The following ASZ1 variants were observed in gnomAD, a reference collection of about 807,000 sequenced individuals.
ASZ1 encodes the protein ankyrin repeat, SAM and basic leucine zipper domain containing 1, also known as ankyrin repeat, SAM and basic leucine zipper domain-containing protein 1.
A neutral mutation model predicts 61.8 loss-of-function variants in ASZ1; 67 were observed. The observed-to-expected ratio is 1.08, with a 90% CI of 0.89 to 1.33. The LOEUF is 1.33. Ranked by LOEUF, ASZ1 falls within the 40% of genes most tolerant of loss-of-function variation. The probability of loss-of-function intolerance (pLI) is 0.00; values close to 1 mark genes in which losing one functional copy is unlikely to be tolerated. For missense variants in ASZ1, 577 were observed against 554.5 expected (o/e 1.04, Z -0.41); for synonymous variants, 193 against 192.7 (o/e 1.00, Z -0.01).
chr7:117,381,813 T>A (rs1796259479), intron 8 of ASZ1, among the ~76,000 whole-genome samples: 1 of 152,110 alleles, frequency 6.6e-6, no homozygotes, highest in East Asian at 1.9e-4. Context: ...AGAAACAAAC[T>A]AAGGGCTCAG....
intron 4 of ASZ1, among the ~76,000 whole-genome samples, chr7:117,407,531 C>T (rs2116512934): frequency 6.6e-6 from 1 of 152,150 alleles, no homozygotes; most frequent in Admixed American, 6.5e-5. Flanking sequence ...ATGTTTTTTC[C>T]TATACATATG....
Position 117,422,307 on chromosome 7 carries a change from A to G in ASZ1, c.258T>C (p.Ala86=), listed in dbSNP as rs761699872. The change falls in exon 3 of 13, where the codon GCT becomes GCC. Residue 86 remains alanine, a synonymous_variant. Coordinates refer to ENST00000284629, the MANE Select transcript of ASZ1 (RefSeq NM_130768.3). ...CCAGCTCTGCATTGGCAACACTAGC[A>G]GCATACATAAGGGGAGTCCATCCAT... is the stretch of plus-strand genomic sequence containing the variant. ...FQYGWTPLMY[A]ASVANAELVR... is the part of the protein sequence containing the mutation. 24 of 1,613,700 alleles carry G rather than the reference A, an allele frequency of 1.5e-5. No individual in the cohort carries two copies. In the Admixed American group the frequency reaches 1.7e-4, roughly 11 times the overall value.
intron 4 of ASZ1, among the ~76,000 whole-genome samples, chr7:117,393,914 G>A (rs1796525792): frequency 6.6e-6 from 1 of 152,052 alleles, no homozygotes; most frequent in Non-Finnish European, 1.5e-5. Context: ...CAGTACTTAA[G>A]TCCTCTTCTC....
At chr7:117,423,431 TTTGAACTGCTTTGA>T (rs1797135286) in intron 2 of ASZ1, among the ~76,000 whole-genome samples, 1 of 152,100 alleles carries the variant, frequency 6.6e-6, no homozygotes, top group Admixed American at 6.5e-5. Context: ...AATCTTCCTC[TTTGAACTGCTTTGA>T]TTGAAAGCTT....
rs1388909914 is a variant in ASZ1 at position 117,375,141 on chromosome 7, A to G, written c.1055+4797T>C. 3.9e-5 allele frequency among the ~76,000 whole-genome samples: 6 copies of G among 152,078 alleles called. No individual in the cohort carries two copies. In the South Asian group the frequency reaches 1.0e-3, roughly 26 times the overall value. On this transcript the variant is annotated intron_variant, in intron 10 of 12. Transcript: ENST00000284629. ...TTATCTAGTTGGTGGAATGAAAACA[A>G]TTATTATAGGTTATTTCGGATTATA...
In ASZ1 at chr7:117,427,442, G is replaced by T. The variant is rs771305699; in HGVS notation, c.19C>A (p.Arg7=). 1.2e-6 allele frequency: 2 copies of T among 1,613,870 alleles called. No individual in the cohort carries two copies. The highest frequency in any genetic ancestry group is 8.5e-7 in the Non-Finnish European group (1 of 1,179,940). The change falls in exon 1 of 13, where the codon CGA becomes AGA. Residue 7 remains arginine (R), a synonymous_variant. Coordinates refer to ENST00000284629, the MANE Select transcript of ASZ1 (RefSeq NM_130768.3). Reference sequence around the variant, plus strand: ...CCTCCGCCAGCCACTGGCAGGCCTCGCAGCGCGCTCGCCGCCATGCCAGCC... The same window carrying T: ...CCTCCGCCAGCCACTGGCAGGCCTCTCAGCGCGCTCGCCGCCATGCCAGCC... The part of the protein sequence containing the change: MAASAL[R]GLPVAGGGES...
intron 4 of ASZ1, among the ~76,000 whole-genome samples, chr7:117,389,325 T>C (rs1319435995): frequency 2.0e-5 from 3 of 152,160 alleles, no homozygotes; most frequent in African/African-American, 7.2e-5. Context: ...CCTTGACCCC[T>C]CCTTGCCTCC....
At chr7:117,371,509 T>C (rs1796049914) in intron 10 of ASZ1, among the ~76,000 whole-genome samples, 1 of 152,172 alleles carries the variant, frequency 6.6e-6, no homozygotes, top group African/African-American at 2.4e-5. Context: ...GCAGTAAGTA[T>C]TCATAGAACC....
At chr7:117,406,119 T>C (rs1265294337) in intron 4 of ASZ1, among the ~76,000 whole-genome samples, 7 of 152,212 alleles carry the variant, frequency 4.6e-5, no homozygotes, top group Non-Finnish European at 2.9e-5. Context: ...CTGTCGGGCA[T>C]AGAAGCTTTC....
At chr7:117,373,067 G>C (rs1215859409) in intron 10 of ASZ1, among the ~76,000 whole-genome samples, 2 of 152,054 alleles carry the variant, frequency 1.3e-5, no homozygotes, top group African/African-American at 4.8e-5. Context: ...GGGTGGAGCT[G>C]TTTCCTTGAT....
In ASZ1 at chr7:117,379,144, TATATATATATATATATATATATATAC is replaced by T. The variant is rs1261893954; in HGVS notation, c.1055+768_1055+793del. On this transcript the variant is annotated intron_variant, in intron 10 of 12. Transcript: ENST00000284629. ...TAAATGTGATAAAATTATATATATA[TATATATATATATATATATATATATAC>T]ACACACACACACACACACACACACA... 3.2e-3 allele frequency among the ~76,000 whole-genome samples: 313 copies of T among 96,622 alleles called. 1 individual carries two copies. The highest frequency in any genetic ancestry group is 0.01 in the African/African-American group (206 of 20,096). The allele number at this position is 96,622 out of a possible 152,430, so 63.4% of individuals were successfully genotyped here. A position where few individuals can be genotyped will look rare whatever the true frequency, so the allele number is the denominator to read the frequency against.
intron 6 of ASZ1, among the ~76,000 whole-genome samples, chr7:117,383,610 A>G (rs1348064653): frequency 1.3e-5 from 2 of 152,002 alleles, no homozygotes; most frequent in Non-Finnish European, 2.9e-5. Flanking sequence ...AACACCTCAA[A>G]AAGATATGGT....
chr7:117,378,030 A>G (rs1439805449), intron 10 of ASZ1, among the ~76,000 whole-genome samples: 1 of 152,182 alleles, frequency 6.6e-6, no homozygotes, highest in Non-Finnish European at 1.5e-5. Flanking sequence ...TAACTTTACA[A>G]AAATGAACTC....
At chr7:117,411,816 T>C (rs574840667) in intron 4 of ASZ1, among the ~76,000 whole-genome samples, 62 of 151,868 alleles carry the variant, frequency 4.1e-4, no homozygotes, top group Middle Eastern at 3.4e-3. Context: ...AGCTAGTAAA[T>C]GACAAAGTTG....
chr7:117,393,406 T>C (rs1402457924), intron 4 of ASZ1, among the ~76,000 whole-genome samples: 2 of 152,148 alleles, frequency 1.3e-5, no homozygotes, highest in African/African-American at 2.4e-5. Flanking sequence ...TTGTTCTATG[T>C]ATTTAAAAGC....
chr7:117,393,276 C>T (rs1355642966), intron 4 of ASZ1, among the ~76,000 whole-genome samples: 1 of 152,084 alleles, frequency 6.6e-6, no homozygotes, highest in East Asian at 1.9e-4. Flanking sequence ...ATTAGATACT[C>T]TTGTTGATTG....
intron 4 of ASZ1, among the ~76,000 whole-genome samples, chr7:117,413,248 T>A (rs1584740550): frequency 6.6e-6 from 1 of 151,938 alleles, no homozygotes; most frequent in East Asian, 1.9e-4. Context: ...CCTGTTCAGA[T>A]TAAACTGTTG....
intron 4 of ASZ1, among the ~76,000 whole-genome samples, chr7:117,407,150 A>G (rs189594945): frequency 1.2e-3 from 180 of 152,246 alleles, no homozygotes; most frequent in Admixed American, 1.6e-3. Flanking sequence ...GGGGAACTAT[A>G]TATTACTTAC....
At chr7:117,371,509 T>G (rs1796049914) in intron 10 of ASZ1, among the ~76,000 whole-genome samples, 1 of 152,172 alleles carries the variant, frequency 6.6e-6, no homozygotes, top group African/African-American at 2.4e-5. Flanking sequence ...GCAGTAAGTA[T>G]TCATAGAACC....
Sources: gnomAD v4.1 joint callset for allele counts (sites outside exome capture counted in the v4.1 genomes callset) on GRCh38, gnomAD v4.1.1 for gene constraint, MANE v1.5 for transcripts, NCBI Gene and HGNC (gene_info 2026-07-23, HGNC 2026-07-21) for gene names.